ABCG2: variants seen among roughly 807,000 people sequenced by gnomAD.
The protein encoded by ABCG2 is ATP binding cassette subfamily G member 2 (JR blood group), also known as broad substrate specificity ATP-binding cassette transporter ABCG2.
ABCG2 carries 80 observed loss-of-function variants against 73.5 expected under a neutral mutation model. The observed-to-expected ratio is 1.09, with a 90% CI of 0.91 to 1.31. The LOEUF is 1.31. ABCG2 is among the 50% of genes most tolerant of loss of function. ABCG2 has a pLI of 0.00. For synonymous variants in ABCG2, 269 were observed against 282.4 expected, an observed-to-expected ratio of 0.95 and a Z score of 0.48; for missense variants, 796 against 786.2, an observed-to-expected ratio of 1.01 and a Z score of -0.15.
At chr4:88,191,131 G>C (rs1728672554) in intron 1 of ABCG2, among the ~76,000 whole-genome samples, 1 of 150,374 alleles carries the variant, frequency 6.7e-6, no homozygotes, top group South Asian at 2.1e-4. Context: ...TGTAGTCCCA[G>C]CTATTCGGGA....
At chr4:88,122,922 G>A (rs1223871937) in intron 5 of ABCG2, among the ~76,000 whole-genome samples, 1 of 152,128 alleles carries the variant, frequency 6.6e-6, no homozygotes, top group African/African-American at 2.4e-5. Context: ...AGCTCCAGCT[G>A]GCATCTGGCG....
At chr4:88,203,496 C>T (rs922029158) in intron 1 of ABCG2, among the ~76,000 whole-genome samples, 10 of 152,082 alleles carry the variant, frequency 6.6e-5, no homozygotes, top group Non-Finnish European at 1.2e-4. Context: ...TCAGGCCAGG[C>T]GCGGTGGCTC....
upstream of ABCG2, chr4:88,164,116 G>GA (rs1419794011): frequency 1.3e-5 from 2 of 152,494 alleles, no homozygotes; most frequent in African/African-American, 4.9e-5. Flanking sequence ...ACCCAGGCTA[G>GA]AGTGCAATGG....
At chr4:88,205,543 C>G (rs1403744838) in intron 1 of ABCG2, among the ~76,000 whole-genome samples, 1 of 152,302 alleles carries the variant, frequency 6.6e-6, no homozygotes, top group East Asian at 1.9e-4. Context: ...GTTCCACTTT[C>G]ATAAAGTTAC....
At chr4:88,094,937 C>T (rs1721885721) in intron 14 of ABCG2, among the ~76,000 whole-genome samples, 1 of 152,112 alleles carries the variant, frequency 6.6e-6, no homozygotes, top group African/African-American at 2.4e-5. Flanking sequence ...TCCTTCTCTC[C>T]CCAATTTTGT....
chr4:88,172,907 CT>C (rs1727813793), intron 1 of ABCG2, among the ~76,000 whole-genome samples: 1 of 152,066 alleles, frequency 6.6e-6, no homozygotes, highest in Non-Finnish European at 1.5e-5. Flanking sequence ...GTGTAGTGAA[CT>C]TTTTAGGTCA....
chr4:88,168,317 T>C (rs972190286), intron 1 of ABCG2, among the ~76,000 whole-genome samples: 2 of 152,022 alleles, frequency 1.3e-5, no homozygotes, highest in African/African-American at 4.8e-5. Context: ...TGAAACCCCA[T>C]CTGTACTAAA....
intron 1 of ABCG2, among the ~76,000 whole-genome samples, chr4:88,219,576 A>AATT (rs10626106): frequency 4.4e-5 from 4 of 90,898 alleles, no homozygotes; most frequent in Admixed American, 1.7e-4. Flanking sequence ...TACCATTCAA[A>AATT]TTTTTTTTTT....
At chr4:88,156,621 A>T (rs1726961898) in intron 1 of ABCG2, among the ~76,000 whole-genome samples, 1 of 152,190 alleles carries the variant, frequency 6.6e-6, no homozygotes, top group South Asian at 2.1e-4. Flanking sequence ...AATTTTAATT[A>T]AAAAATGTAG....
At chr4:88,173,108 G>T (rs1727822573) in intron 1 of ABCG2, among the ~76,000 whole-genome samples, 2 of 152,050 alleles carry the variant, frequency 1.3e-5, no homozygotes, top group Non-Finnish European at 2.9e-5. Context: ...CTGCAATATT[G>T]CTAAAAATGG....
intron 5 of ABCG2, 138 bp downstream of exon 5, chr4:88,130,923 C>G: frequency 1.0e-6 from 1 of 967,586 alleles, no homozygotes; most frequent in Non-Finnish European, 1.5e-6. Flanking sequence ...ATGTAACAAG[C>G]CACTTTTCTC....
intron 15 of ABCG2, among the ~76,000 whole-genome samples, chr4:88,094,002 T>C (rs1721818887): frequency 6.6e-6 from 1 of 152,214 alleles, no homozygotes; most frequent in Admixed American, 6.5e-5. Context: ...TCCAAGTTAA[T>C]TTAAAAACAA....
intron 7 of ABCG2, among the ~76,000 whole-genome samples, 199 bp from the exon 8 acceptor site, chr4:88,115,257 T>TCTCTCTCTCTCTCTCTCTCTCTCTCC (rs1723481041): frequency 1.4e-5 from 1 of 72,368 alleles, no homozygotes. Context: ...TCTCTCTCTC[T>TCTCTCTCTCTCTCTCTCTCTCTCTCC]ATATATATAT....
chr4:88,119,349 T>C (rs779396157), intron 6 of ABCG2, among the ~76,000 whole-genome samples: 3 of 152,224 alleles, frequency 2.0e-5, no homozygotes, highest in Non-Finnish European at 4.4e-5. Flanking sequence ...ATACAGTAAA[T>C]TGGTACTGGT....
chr4:88,194,549 C>CAAAAAAAAAAAAAAAAAAA (rs58945293), intron 1 of ABCG2, among the ~76,000 whole-genome samples: 1 of 52,554 alleles, frequency 1.9e-5, no homozygotes, highest in Non-Finnish European at 3.1e-5. Flanking sequence ...GACTCCGTCT[C>CAAAAAAAAAAAAAAAAAAA]AAAAAAAAAA....
At chr4:88,096,383 T>A (rs1016736659) in intron 13 of ABCG2, among the ~76,000 whole-genome samples, 2 of 152,206 alleles carry the variant, frequency 1.3e-5, no homozygotes, top group Admixed American at 1.3e-4. Context: ...TAACACAGCA[T>A]CTCTGAGTAA....
chr4:88,146,898 AGAAG>A (rs34167974), intron 1 of ABCG2, among the ~76,000 whole-genome samples: 93,010 of 124,232 alleles, frequency 0.75, 35,198 homozygotes, highest in Middle Eastern at 0.85. Flanking sequence ...AAAAGGAGAA[AGAAG>A]GAAGGAAGGA....
chr4:88,111,714 A>C (rs1723144375), intron 9 of ABCG2, among the ~76,000 whole-genome samples: 4 of 152,158 alleles, frequency 2.6e-5, no homozygotes, highest in South Asian at 4.1e-4. Context: ...TAACAGCCCC[A>C]AAATAACCAG....
intron 1 of ABCG2, among the ~76,000 whole-genome samples, chr4:88,147,154 C>G (rs1372386275): frequency 3.3e-5 from 5 of 152,098 alleles, no homozygotes. Flanking sequence ...TTGAACTCTT[C>G]CAGGCACCCT....
Sources: gnomAD v4.1 joint callset for allele counts (sites outside exome capture counted in the v4.1 genomes callset) on GRCh38, gnomAD v4.1.1 for gene constraint, MANE v1.5 for transcripts, NCBI Gene and HGNC (gene_info 2026-07-23, HGNC 2026-07-21) for gene names.